Variants in ASIC2 observed in about 807,000 individuals in gnomAD.
ASIC2 encodes the protein acid sensing ion channel subunit 2.
Under a neutral mutation model 57.3 loss-of-function variants are expected in ASIC2, and 25 were observed. The observed-to-expected ratio is 0.44, with a 90% CI of 0.32 to 0.61. The LOEUF is 0.61. Ranked by LOEUF, ASIC2 falls within the 20% of genes least tolerant of loss-of-function variation. The pLI is 0.06. For missense variants in ASIC2, 641 were observed against 738.1 expected (o/e 0.87, Z 1.52); for synonymous variants, 319 against 307.5 (o/e 1.04, Z -0.39).
intron 1 of ASIC2, among the ~76,000 whole-genome samples, chr17:33,849,792 T>C (rs990845516): frequency 2.0e-5 from 3 of 152,156 alleles, no homozygotes; most frequent in South Asian, 4.1e-4. Flanking sequence ...GAAAAGGAGT[T>C]TGGACTCCTG....
intron 1 of ASIC2, among the ~76,000 whole-genome samples, chr17:33,245,800 A>G (rs1908668965): frequency 6.6e-6 from 1 of 152,204 alleles, no homozygotes; most frequent in Non-Finnish European, 1.5e-5. Flanking sequence ...ATGAGGCCAT[A>G]GGCTAAGGCA....
intron 1 of ASIC2, among the ~76,000 whole-genome samples, chr17:33,158,656 G>A (rs1905077610): frequency 6.6e-6 from 1 of 152,206 alleles, no homozygotes; most frequent in Admixed American, 6.5e-5. Flanking sequence ...GAGCCAAACT[G>A]TCTGAGTTCA....
intron 1 of ASIC2, among the ~76,000 whole-genome samples, chr17:33,884,127 G>A (rs911140419): frequency 1.3e-5 from 2 of 152,232 alleles, no homozygotes; most frequent in African/African-American, 2.4e-5. Context: ...GGTGTCAGGA[G>A]GCTGACCTCT....
At chr17:33,226,015 A>C (rs1202823584) in intron 1 of ASIC2, among the ~76,000 whole-genome samples, 4 of 152,338 alleles carry the variant, frequency 2.6e-5, no homozygotes, top group African/African-American at 9.6e-5. Flanking sequence ...AGGCACTCAG[A>C]GACAAAGATG....
chr17:33,268,037 T>A (rs906866208), intron 1 of ASIC2, among the ~76,000 whole-genome samples: 2 of 152,180 alleles, frequency 1.3e-5, no homozygotes, highest in African/African-American at 4.8e-5. Flanking sequence ...CCAAGATATA[T>A]CGACAAAGGA....
chr17:33,337,598 T>C (rs1257604134), intron 1 of ASIC2, among the ~76,000 whole-genome samples: 1 of 152,204 alleles, frequency 6.6e-6, no homozygotes, highest in Non-Finnish European at 1.5e-5. Flanking sequence ...TTGGCAAACA[T>C]TCATTAGGTG....
intron 1 of ASIC2, among the ~76,000 whole-genome samples, chr17:33,751,738 C>A (rs542535639): frequency 3.9e-5 from 6 of 152,200 alleles, no homozygotes; most frequent in Admixed American, 3.9e-4. Flanking sequence ...CTGCTCCCTG[C>A]ATAGAATGAC....
At chr17:34,010,336 G>A (rs888495639) in intron 1 of ASIC2, among the ~76,000 whole-genome samples, 12 of 152,130 alleles carry the variant, frequency 7.9e-5, no homozygotes, top group Non-Finnish European at 5.9e-5. Context: ...AGCCCCTGAG[G>A]TGCCAGCAAG....
intron 3 of ASIC2, among the ~76,000 whole-genome samples, chr17:33,047,381 C>T (rs982020586): frequency 2.0e-5 from 3 of 152,074 alleles, no homozygotes; most frequent in African/African-American, 7.2e-5. Context: ...CTCTGTCACC[C>T]AGGCTGTAGT....
At chr17:33,725,039 T>G (rs2142086303) in intron 1 of ASIC2, among the ~76,000 whole-genome samples, 1 of 152,364 alleles carries the variant, frequency 6.6e-6, no homozygotes, top group South Asian at 2.1e-4. Flanking sequence ...CTTGCACTTG[T>G]CGGGACGCCC....
rs140974558 is a variant in ASIC2, at chr17:33,611,326, C to T, written c.556-499259G>A. ...CTGATCTATGTTCTGCAAGCTCACA[C>T]GCGACCCTTCCCCTCTCTGGAATCC... On this transcript the variant is annotated intron_variant, in intron 1 of 9. Transcript: ENST00000359872. Among the ~76,000 whole-genome samples the T allele has an allele frequency of 5.5e-3, 836 of 152,296 alleles. 12 individuals are homozygous for T. Among genetic ancestry groups the T allele is most frequent in the African/African-American group, 0.019 (807 of 41,562 alleles).
chr17:33,851,503 A>T (rs1913763392), intron 1 of ASIC2, among the ~76,000 whole-genome samples: 1 of 152,202 alleles, frequency 6.6e-6, no homozygotes, highest in Non-Finnish European at 1.5e-5. Flanking sequence ...CAATCAAACA[A>T]ACAAAAAAAC....
chr17:33,794,494 G>C (rs763757638), intron 1 of ASIC2: 1 of 152,212 alleles, frequency 6.6e-6, no homozygotes, highest in Non-Finnish European at 1.5e-5. Context: ...GTGGGTCAGG[G>C]GTGATGCACA....
intron 1 of ASIC2, among the ~76,000 whole-genome samples, chr17:33,779,528 T>C (rs1001541190): frequency 6.6e-6 from 1 of 152,206 alleles, no homozygotes; most frequent in Admixed American, 6.5e-5. Context: ...TCAGAATGAA[T>C]AACCTAGTGC....
At chr17:33,217,633 T>C (rs1264695922) in intron 1 of ASIC2, among the ~76,000 whole-genome samples, 4 of 152,214 alleles carry the variant, frequency 2.6e-5, no homozygotes, top group Non-Finnish European at 5.9e-5. Context: ...GCTTGGGTCG[T>C]AGAAAGAGCC....
intron 1 of ASIC2, among the ~76,000 whole-genome samples, chr17:33,620,998 T>A (rs1905775296): frequency 6.6e-6 from 1 of 152,076 alleles, no homozygotes; most frequent in African/African-American, 2.4e-5. Context: ...GTCTTATCCT[T>A]GCTGTTTCCT....
rs117810260 is a variant in ASIC2, at chr17:34,101,344, C to T, written c.555+54634G>A. On this transcript the variant is annotated intron_variant, in intron 1 of 9. Coordinates refer to the ASIC2 transcript ENST00000359872. ...ACTCAGACCTTTAGAGATCTGGAAG[C>T]CCCTCTGTTTTTCCCCAAAAGTCTG... Among the ~76,000 whole-genome samples the T allele has an allele frequency of 6.9e-3, 1,046 of 152,308 alleles. 9 individuals carry two copies. Among genetic ancestry groups the T allele is most frequent in the South Asian group, 0.011 (54 of 4,822 alleles).
intron 1 of ASIC2, among the ~76,000 whole-genome samples, chr17:34,119,482 C>T (rs566313769): frequency 6.6e-6 from 1 of 152,220 alleles, no homozygotes; most frequent in African/African-American, 2.4e-5. Context: ...GGATCTCTTC[C>T]TTTACCTCTT....
chr17:33,069,690 A>G (rs1285080567), intron 3 of ASIC2, among the ~76,000 whole-genome samples: 3 of 152,180 alleles, frequency 2.0e-5, no homozygotes, highest in Non-Finnish European at 4.4e-5. Context: ...AGTATGGTAT[A>G]TATGTTTCCA....
Sources: allele counts gnomAD v4.1 joint callset (sites outside exome capture counted in the v4.1 genomes callset), GRCh38; gene constraint gnomAD v4.1.1; transcripts MANE v1.5; gene names NCBI Gene and HGNC (gene_info 2026-07-23, HGNC 2026-07-21).